The following PSKH1 variants were observed in gnomAD, a reference collection of about 807,000 sequenced individuals.
The protein encoded by PSKH1 is protein serine kinase H1, also known as serine/threonine-protein kinase H1.
In PSKH1, 12 loss-of-function variants were observed where a neutral mutation model predicts 26.7. The observed-to-expected ratio is 0.45, with a 90% CI of 0.29 to 0.73. The LOEUF (loss-of-function observed/expected upper bound fraction) is 0.73. Among genes scored for constraint, PSKH1 ranks in the 30% least tolerant of loss-of-function variants. The pLI is 0.11. For synonymous variants in PSKH1, 213 were observed against 234.3 expected, an observed-to-expected ratio of 0.91 and a Z score of 0.83; for missense variants, 431 against 595.2, an observed-to-expected ratio of 0.72 and a Z score of 2.87.
intron 1 of PSKH1, among the ~76,000 whole-genome samples, chr16:67,904,387 G>A (rs2064266543): frequency 6.6e-6 from 1 of 151,814 alleles, no homozygotes; most frequent in Non-Finnish European, 1.5e-5. Flanking sequence ...TATTTTTTTG[G>A]TAGAGATGGG....
intron 2 of PSKH1, among the ~76,000 whole-genome samples, chr16:67,910,748 C>T (rs909483938): frequency 6.6e-6 from 1 of 152,246 alleles, no homozygotes; most frequent in Non-Finnish European, 1.5e-5. Flanking sequence ...GGTCATCCGC[C>T]GGCCTTGGCC....
intron 1 of PSKH1, among the ~76,000 whole-genome samples, chr16:67,900,452 A>G (rs757616880): frequency 6.6e-6 from 1 of 152,172 alleles, no homozygotes; most frequent in Non-Finnish European, 1.5e-5. Flanking sequence ...CCTTCAGGAA[A>G]GATCCTCAGG....
chr16:67,908,481 C>G (rs773846552), intron 1 of PSKH1, among the ~76,000 whole-genome samples, 199 bp from the exon 2 acceptor site: 2 of 152,082 alleles, frequency 1.3e-5, no homozygotes, highest in Non-Finnish European at 2.9e-5. Flanking sequence ...TGTTGGCCAG[C>G]TGGTCTTGAA....
intron 1 of PSKH1, among the ~76,000 whole-genome samples, chr16:67,896,807 T>C (rs1460729482): frequency 6.6e-6 from 1 of 152,168 alleles, no homozygotes; most frequent in Non-Finnish European, 1.5e-5. Context: ...CTTGTTAAGT[T>C]GCATAAATGA....
chr16:67,924,518 G>A (rs765623283), intron 2 of PSKH1, among the ~76,000 whole-genome samples: 3 of 152,232 alleles, frequency 2.0e-5, no homozygotes, highest in Non-Finnish European at 4.4e-5. Context: ...TGGAGTTTCA[G>A]GTCCACGGTT....
rs376972363 is a variant in PSKH1 at position 67,909,535 on chromosome 16, G to A, written c.786G>A (p.Glu262=). ...CLMKTTCGTP[E]YIAPEVLVRK... ...TGAAGACCACCTGTGGCACGCCTGA[G>A]TACATTGCCCCAGAAGTCCTGGTCC... The change falls in exon 2 of 3, where the codon GAG becomes GAA. Residue 262 remains glutamate, a synonymous_variant. Coordinates refer to ENST00000291041, the MANE Select transcript of PSKH1 (RefSeq NM_006742.3). The surrounding 1 kb of genome is among the most constrained non-coding windows in gnomAD (Gnocchi z 7.8). 6.8e-5 allele frequency: 110 copies of A among 1,613,754 alleles called. No individual in the cohort carries two copies. Among genetic ancestry groups the A allele is most frequent in the Non-Finnish European group, 8.5e-5 (100 of 1,180,034 alleles).
chr16:67,923,336 G>A (rs560121020), intron 2 of PSKH1, among the ~76,000 whole-genome samples: 14 of 152,208 alleles, frequency 9.2e-5, no homozygotes, highest in Non-Finnish European at 1.5e-4. Flanking sequence ...GAGGAAGGCA[G>A]CCAGCTTGAT....
chr16:67,907,253 G>A (rs1384007252), intron 1 of PSKH1, among the ~76,000 whole-genome samples: 1 of 151,040 alleles, frequency 6.6e-6, no homozygotes, highest in Non-Finnish European at 1.5e-5. Context: ...CTGAGCCACC[G>A]CGCCTGGCCA....
chr16:67,910,115 T>A (rs1719711658), intron 2 of PSKH1: 4 of 368,448 alleles, frequency 1.1e-5, no homozygotes, highest in Admixed American at 8.3e-5. Context: ...GTTTTTTTTT[T>A]AATCCACTGA....
In PSKH1 at chr16:67,898,102, A is replaced by C. The variant is rs548887886; in HGVS notation, c.-71+4731A>C. Among the ~76,000 whole-genome samples, 121 of 152,222 alleles carry C rather than the reference A, an allele frequency of 7.9e-4. 1 individual carries two copies. The highest frequency in any genetic ancestry group is 2.8e-3 in the African/African-American group (118 of 41,536). The stretch of plus-strand genomic sequence containing the variant: ...CTTGACCTCATGATCCACCTGGCTC[A>C]GACTCCCAAAGTGCTGGGATTACAG... On this transcript the variant is annotated intron_variant, in intron 1 of 2. Coordinates refer to ENST00000291041, the MANE Select transcript of PSKH1 (RefSeq NM_006742.3).
At chr16:67,904,831 T>TG (rs2058151825) in intron 1 of PSKH1, among the ~76,000 whole-genome samples, 1 of 149,010 alleles carries the variant, frequency 6.7e-6, no homozygotes, top group African/African-American at 2.5e-5. Context: ...ATTTTTTTTT[T>TG]TTTTTTTTTT....
chr16:67,908,229 A>G (rs953520303), intron 1 of PSKH1, among the ~76,000 whole-genome samples: 2 of 152,078 alleles, frequency 1.3e-5, no homozygotes, highest in African/African-American at 2.4e-5. Flanking sequence ...CAGCAAAGCC[A>G]TACTCCCGAC....
At chr16:67,896,496 C>T (rs1249244948) in intron 1 of PSKH1, among the ~76,000 whole-genome samples, 1 of 145,674 alleles carries the variant, frequency 6.9e-6, no homozygotes, top group African/African-American at 2.5e-5. Context: ...TCCTCAAGGT[C>T]ATTTCTGGTC....
Position 67,909,111 on chromosome 16 carries a change from G to A in PSKH1, c.362G>A (p.Arg121Gln), listed in dbSNP as rs760148388. 7 of 1,614,064 alleles carry A rather than the reference G, an allele frequency of 4.3e-6. No individual in the cohort carries two copies. Among genetic ancestry groups the A allele is most frequent in the East Asian group, 2.2e-5 (1 of 44,898 alleles). The change falls in exon 2 of 3, where the codon CGG becomes CAG. Residue 121 changes from arginine to glutamine, a missense_variant. By Grantham distance (43) the Arg-to-Gln change is conservative (BLOSUM62 1). Coordinates refer to ENST00000291041, the MANE Select transcript of PSKH1 (RefSeq NM_006742.3). This position sits in a 1 kb window ranked among gnomAD's most constrained non-coding sequence, Gnocchi z 7.8. ...GTACGTGTAGAGCACCGGGCAACCC[G>A]GCAGCCGTATGCCATCAAGATGATT... ...RVVRVEHRAT[R>Q]QPYAIKMIET... is the part of the protein sequence containing the mutation.
intron 1 of PSKH1, among the ~76,000 whole-genome samples, chr16:67,908,368 C>A (rs1328727137): frequency 6.6e-6 from 1 of 152,182 alleles, no homozygotes; most frequent in Non-Finnish European, 1.5e-5. Flanking sequence ...CTCCTGGGTT[C>A]AATCGATTCT....
At position 67,909,658 on chromosome 16, in the gene PSKH1, C is replaced by G; in HGVS notation, c.909C>G (p.Thr303=). The G allele has an allele frequency of 6.2e-7, 1 of 1,613,532 alleles. No homozygotes were observed. The highest frequency in any genetic ancestry group is 1.1e-5 in the South Asian group (1 of 91,076). ...GTMPFEDDNR[T]RLYRQILRGK... ...TGCCGTTTGAGGATGACAACCGTAC[C>G]CGGCTGTACCGGCAGATCCTCAGGG... Residue 303 remains threonine, a synonymous_variant, in exon 2 of 3, where the codon ACC becomes ACG. Transcript: ENST00000291041. This position sits in a 1 kb window ranked among gnomAD's most constrained non-coding sequence, Gnocchi z 7.8.
chr16:67,912,068 G>C (rs2058174949), intron 2 of PSKH1, among the ~76,000 whole-genome samples: 1 of 152,198 alleles, frequency 6.6e-6, no homozygotes, highest in African/African-American at 2.4e-5. Flanking sequence ...ACTGCAGAGT[G>C]GTCAGCCTTG....
In PSKH1 at chr16:67,927,755, G is replaced by T. The variant is rs1285116453; in HGVS notation, c.*113G>T. The T allele has an allele frequency of 1.6e-6, 2 of 1,254,774 alleles. No homozygotes were observed. The highest frequency in any genetic ancestry group is 4.8e-5 in the Admixed American group (2 of 41,662). 77.7% of individuals were successfully genotyped at this position (1,254,774 alleles called of 1,614,324 possible). On this transcript the variant is annotated 3_prime_UTR_variant, in exon 3 of 3. Coordinates refer to ENST00000291041, the MANE Select transcript of PSKH1 (RefSeq NM_006742.3). This position sits in a 1 kb window ranked among gnomAD's most constrained non-coding sequence, Gnocchi z 5.5. Reference sequence around the variant, plus strand: ...GCCTATGTGGCCCACAGTAGGTGAAGAATGTCTGGCTCCAGCCCTTTCTCT... The same window carrying T: ...GCCTATGTGGCCCACAGTAGGTGAATAATGTCTGGCTCCAGCCCTTTCTCT...
At position 67,909,118 on chromosome 16, in the gene PSKH1, G is replaced by A. The variant is rs755567179; in HGVS notation, c.369G>A (p.Pro123=). Residue 123 remains proline, a synonymous_variant, in exon 2 of 3, where the codon CCG becomes CCA. Coordinates refer to ENST00000291041, the MANE Select transcript of PSKH1 (RefSeq NM_006742.3). This position sits in a 1 kb window ranked among gnomAD's most constrained non-coding sequence, Gnocchi z 7.8. ...VRVEHRATRQ[P]YAIKMIETKY... Reference sequence around the variant, plus strand: ...TAGAGCACCGGGCAACCCGGCAGCCGTATGCCATCAAGATGATTGAGACCA... The same window carrying A: ...TAGAGCACCGGGCAACCCGGCAGCCATATGCCATCAAGATGATTGAGACCA... The A allele has an allele frequency of 1.5e-5, 24 of 1,613,608 alleles. No individual in the cohort carries two copies. The highest frequency in any genetic ancestry group is 1.6e-4 in the Middle Eastern group (1 of 6,078).
Sources: allele counts gnomAD v4.1 joint callset (sites outside exome capture counted in the v4.1 genomes callset), GRCh38; gene constraint gnomAD v4.1.1; non-coding constraint Gnocchi (gnomAD v3.1); transcripts MANE v1.5; gene names NCBI Gene and HGNC (gene_info 2026-07-23, HGNC 2026-07-21).